TTC34: variants seen among roughly 807,000 people sequenced by gnomAD.
TTC34 encodes the protein tetratricopeptide repeat protein 34.
Under a neutral mutation model 40.7 loss-of-function variants are expected in TTC34, and 44 were observed. The ratio of observed to expected loss-of-function variants is 1.08; its 90% CI spans 0.85 to 1.39. TTC34 has a LOEUF of 1.39. Ranked by LOEUF, TTC34 falls within the 40% of genes most tolerant of loss-of-function variation. TTC34 has a pLI of 0.00. For synonymous variants in TTC34, 422 were observed against 398.6 expected (o/e 1.06, Z -0.70); for missense variants, 884 against 838.0 (o/e 1.05, Z -0.68).
chr1:2,692,286 C>G (rs138253869), intron 6 of TTC34, among the ~76,000 whole-genome samples: 1 of 74,538 alleles, frequency 1.3e-5, no homozygotes, highest in South Asian at 4.2e-4. Flanking sequence ...CATCTGACAG[C>G]CTGGAGCAGC....
intron 6 of TTC34, among the ~76,000 whole-genome samples, chr1:2,695,113 C>A (rs556831648): frequency 2.5e-5 from 2 of 80,608 alleles, no homozygotes; most frequent in Admixed American, 2.4e-4. Context: ...AGCACCCATA[C>A]GCCAAGATGA....
chr1:2,757,638 T>C (rs1164861781), intron 6 of TTC34, among the ~76,000 whole-genome samples: 10 of 112,710 alleles, frequency 8.9e-5, no homozygotes, highest in Admixed American at 1.8e-4. Context: ...CACCCCCAGG[T>C]GAGCATCCGA....
In TTC34 at chr1:2,800,785, C is replaced by A. The variant is rs1238430392; in HGVS notation, c.43G>T (p.Gly15Trp). 10 of 398,822 alleles carry A rather than the reference C, an allele frequency of 2.5e-5. No homozygotes were observed. In the Admixed American group the frequency reaches 3.1e-4, roughly 12 times the overall value. 24.7% of individuals were successfully genotyped at this position (398,822 alleles called of 1,614,324 possible). Reference sequence around the variant, plus strand: ...TCCCCCAGCGCCAGATGCTGCTCCCCCTCCCGGCAGAGGCAGGCCACGAGC... The same window carrying A: ...TCCCCCAGCGCCAGATGCTGCTCCCACTCCCGGCAGAGGCAGGCCACGAGC... The change falls in exon 2 of 9, where the codon GGG becomes TGG. Residue 15 changes from glycine (G) to tryptophan (W), a missense_variant. Physicochemically the swap from Gly to Trp is radical, Grantham distance 184 (BLOSUM62 -2). Transcript: ENST00000401095.
intron 6 of TTC34, among the ~76,000 whole-genome samples, chr1:2,777,381 G>T (rs1643260400): frequency 6.6e-6 from 1 of 151,446 alleles, no homozygotes; most frequent in African/African-American, 2.4e-5. Flanking sequence ...CACACCTCCA[G>T]GGGAGCATCT....
chr1:2,675,161 C>A (rs1422236083), intron 6 of TTC34, among the ~76,000 whole-genome samples: 15 of 140,502 alleles, frequency 1.1e-4, no homozygotes, highest in East Asian at 8.1e-4. Context: ...GCACCCACAC[C>A]CCCAGGGGAG....
At chr1:2,767,349 ATGTC>A in intron 6 of TTC34, among the ~76,000 whole-genome samples, 1 of 56,560 alleles carries the variant, frequency 1.8e-5, no homozygotes, top group Non-Finnish European at 3.3e-5. Context: ...ACCGCATGGA[ATGTC>A]ATCCTCACTT....
intron 2 of TTC34, among the ~76,000 whole-genome samples, chr1:2,791,100 C>A (rs544840164): frequency 3.9e-5 from 6 of 152,226 alleles, no homozygotes; most frequent in African/African-American, 1.4e-4. Context: ...GGGGCAGCAT[C>A]CCCACCCCCA....
intron 8 of TTC34, among the ~76,000 whole-genome samples, chr1:2,642,468 G>T (rs2100985665): frequency 6.6e-6 from 1 of 152,320 alleles, no homozygotes; most frequent in East Asian, 1.9e-4. Context: ...GGAGGGCACA[G>T]CCTGTGCTGT....
rs35024324 is a variant in TTC34 at position 2,786,538 on chromosome 1, ACT to A, written c.1855-517_1855-516del. 4.5e-3 allele frequency among the ~76,000 whole-genome samples: 684 copies of A among 152,006 alleles called. 3 individuals are homozygous for A. The highest frequency in any genetic ancestry group is 7.0e-3 in the Non-Finnish European group (476 of 67,952). On this transcript the variant is annotated intron_variant, in intron 4 of 8. Coordinates refer to ENST00000401095, the Ensembl canonical transcript of TTC34. ...CTGCTGATGGCATTGGTGGGCTGGG[ACT>A]CTCAGGGTTCCCGAGCCTAGGACTT...
At chr1:2,700,384 T>C (rs1390250495) in intron 6 of TTC34, among the ~76,000 whole-genome samples, 72 of 56,436 alleles carry the variant, frequency 1.3e-3, no homozygotes, top group East Asian at 1.6e-3. Context: ...CCCAGGTGAG[T>C]ATCTGACAGC....
chr1:2,775,338 C>G (rs1230227566), intron 6 of TTC34: 1 of 150,630 alleles, frequency 6.6e-6, no homozygotes. Flanking sequence ...CTACCTGGAA[C>G]AGAACCCCGC....
At chr1:2,759,162 G>T (rs1641606155) in intron 6 of TTC34, among the ~76,000 whole-genome samples, 1 of 119,522 alleles carries the variant, frequency 8.4e-6, no homozygotes, top group Non-Finnish European at 1.7e-5. Context: ...CACACCCCCA[G>T]GCGAGCATCT....
chr1:2,656,326 G>A (rs1182038849), intron 6 of TTC34, among the ~76,000 whole-genome samples: 1 of 148,780 alleles, frequency 6.7e-6, no homozygotes, highest in African/African-American at 2.5e-5. Flanking sequence ...GCATGCAACA[G>A]CACTCACACC....
exon 3 of TTC34, chr1:2,790,098 C>T (rs1310496989): frequency 5.0e-6 from 2 of 398,050 alleles, no homozygotes; most frequent in East Asian, 7.1e-5. Flanking sequence ...CGGCCCGCAT[C>T]CTCGCGGAGC....
intron 6 of TTC34, among the ~76,000 whole-genome samples, chr1:2,686,938 C>T (rs372019055): frequency 2.2e-5 from 3 of 137,698 alleles, no homozygotes; most frequent in African/African-American, 9.2e-5. Flanking sequence ...AGACGAGCAT[C>T]GGACAGCCTG....
intron 6 of TTC34, among the ~76,000 whole-genome samples, chr1:2,750,639 C>A (rs1186682293): frequency 6.6e-4 from 45 of 68,472 alleles, no homozygotes; most frequent in Admixed American, 2.1e-3. Flanking sequence ...TGGAGCAGCA[C>A]CCACACCCCC....
At chr1:2,785,791 G>T (rs1164284597) in intron 5 of TTC34, 28 bp downstream of exon 5, 9 of 1,537,528 alleles carry the variant, frequency 5.9e-6, no homozygotes, top group African/African-American at 1.4e-5. Context: ...ACAAGACTGG[G>T]CCCTGGGGGC....
At chr1:2,675,052 C>T (rs1570787186) in intron 6 of TTC34, among the ~76,000 whole-genome samples, 2 of 132,378 alleles carry the variant, frequency 1.5e-5, no homozygotes, top group African/African-American at 5.5e-5. Context: ...CACAGGTGAG[C>T]ATCGGAGAGT....
chr1:2,783,735 G>C, exon 6 of TTC34: 2 of 1,542,520 alleles, frequency 1.3e-6, no homozygotes, highest in Non-Finnish European at 1.8e-6. Flanking sequence ...GGAACCCATA[G>C]CAGCGGGCTC....
Sources: allele counts gnomAD v4.1 joint callset (sites outside exome capture counted in the v4.1 genomes callset), GRCh38; gene constraint gnomAD v4.1.1; transcripts MANE v1.5; gene names NCBI Gene and HGNC (gene_info 2026-07-23, HGNC 2026-07-21).